The following SLC39A1 variants were observed in gnomAD, a reference collection of about 807,000 sequenced individuals.
SLC39A1 encodes zinc transporter ZIP1.
SLC39A1 carries 17 observed loss-of-function variants against 21.4 expected under a neutral mutation model. The observed-to-expected ratio is 0.79, with a 90% confidence interval of 0.54 to 1.19. The LOEUF is 1.19. Ranked by LOEUF, SLC39A1 falls within the 50% of genes most tolerant of loss-of-function variation. The pLI, the probability that SLC39A1 is intolerant of heterozygous loss-of-function variation, is 0.00. For missense variants in SLC39A1, 343 were observed against 399.8 expected (o/e 0.86, Z 1.21); for synonymous variants, 183 against 185.9 (o/e 0.98, Z 0.13).
chr1:153,966,442 A>T (rs978455664), upstream of SLC39A1: 2 of 152,262 alleles, frequency 1.3e-5, no homozygotes, highest in Admixed American at 6.5e-5. Context: ...TCAGATCGAG[A>T]CCACCCTGGC....
rs1431057618 is a variant in SLC39A1, at chr1:153,962,342, G to A, written c.196C>T (p.Gln66Ter). Residue 66 changes from glutamine to a stop codon, truncating the protein, a stop_gained, in exon 3 of 4, where the codon CAG becomes TAG. Coordinates refer to ENST00000356205, the MANE Select transcript of SLC39A1 (RefSeq NM_001271958.2). LOFTEE classifies it high-confidence loss of function. ...CAGCTTACTAGGCTCAGGGCTTTCT[G>A]GCGGGAAGCTGGGTAGGGGTGAAGC... ...GANHEGSASR[Q>*]KALSLVSCFA... 8.7e-6 allele frequency: 14 copies of A among 1,614,018 alleles called. No individual in the cohort carries two copies. Among genetic ancestry groups the A allele is most frequent in the Admixed American group, 1.7e-5 (1 of 59,998 alleles).
chr1:153,960,676 A>C lies in SLC39A1; in HGVS notation c.397T>G (p.Tyr133Asp). The C allele has an allele frequency of 6.2e-7, 1 of 1,614,128 alleles. No individual in the cohort carries two copies. The highest frequency in any genetic ancestry group is 2.2e-5 in the East Asian group (1 of 44,892). Reference sequence around the variant, plus strand: ...GGTGACGGCCCTGACTGCTCCTTGTAAGCCAGTGTGATCTGCTCCATCACC... The same window carrying C: ...GGTGACGGCCCTGACTGCTCCTTGTCAGCCAGTGTGATCTGCTCCATCACC... Reference protein sequence around the residue: ...VLVMEQITLAYKEQSGPSPLE... With the variant: ...VLVMEQITLADKEQSGPSPLE... Residue 133 changes from tyrosine to aspartate, a missense_variant, in exon 4 of 4, where the codon TAC (tyrosine) becomes GAC (aspartate). Transcript: ENST00000356205.
chr1:153,960,669 T>C lies in SLC39A1; in HGVS notation c.404A>G (p.Glu135Gly). ...CTCCAGAGGTGACGGCCCTGACTGC[T>C]CCTTGTAAGCCAGTGTGATCTGCTC... ...VMEQITLAYK[E>G]QSGPSPLEET... Residue 135 changes from glutamate to glycine, a missense_variant, in exon 4 of 4, where the codon GAG (glutamate) becomes GGG (glycine). Glu to Gly is a moderately conservative substitution (Grantham distance 98). Transcript: ENST00000356205. 6.2e-7 allele frequency: 1 copy of C among 1,614,164 alleles called. No individual in the cohort carries two copies. Among genetic ancestry groups the C allele is most frequent in the Non-Finnish European group, 8.5e-7 (1 of 1,180,046 alleles).
chr1:153,962,304 G>A lies in SLC39A1; in HGVS notation c.234C>T (p.Gly78=), dbSNP rs753893443. The change falls in exon 3 of 4, where the codon GGC becomes GGT. Residue 78 remains glycine (G), a synonymous_variant. Transcript: ENST00000356205. ...CCAGGAGACAAGTGGCCAAAAAGAC[G>A]CCCCCCGCGAAACAGCTTACTAGGC... ...ALSLVSCFAG[G]VFLATCLLDL... 3.1e-5 allele frequency: 50 copies of A among 1,613,968 alleles called. 1 individual carries two copies. Among genetic ancestry groups the A allele is most frequent in the Admixed American group, 2.0e-4 (12 of 59,994 alleles).
upstream of SLC39A1, chr1:153,964,915 G>A (rs1647695049): frequency 6.6e-6 from 1 of 152,134 alleles, no homozygotes; most frequent in South Asian, 2.1e-4. Flanking sequence ...GCTCCAGCCT[G>A]GGCAACAACA....
chr1:153,960,866 C>A (rs1057014150), intron 3 of SLC39A1, 112 bp from the exon 4 acceptor site: 31 of 952,002 alleles, frequency 3.3e-5, no homozygotes, highest in Non-Finnish European at 3.9e-5. Flanking sequence ...GGGCTACTCT[C>A]AGTCACACAA....
chr1:153,960,348 C>T lies in SLC39A1; in HGVS notation c.725G>A (p.Cys242Tyr), dbSNP rs1443281884. The part of the protein sequence containing the change: ...SHLRAQVVAG[C>Y]GILFSCMTPL... Reference sequence around the variant, plus strand: ...TGTCATGCATGAGAAGAGGATCCCACAGCCAGCCACCACCTGTGCCCTAAG... The same window carrying T: ...TGTCATGCATGAGAAGAGGATCCCATAGCCAGCCACCACCTGTGCCCTAAG... Residue 242 changes from cysteine to tyrosine, a missense_variant, in exon 4 of 4, where the codon TGT becomes TAT. By Grantham distance (194) the Cys-to-Tyr change is radical. Coordinates refer to ENST00000356205, the MANE Select transcript of SLC39A1 (RefSeq NM_001271958.2). 6.2e-7 allele frequency: 1 copy of T among 1,614,032 alleles called. No individual in the cohort carries two copies. Among genetic ancestry groups the T allele is most frequent in the Non-Finnish European group, 8.5e-7 (1 of 1,180,052 alleles).
At position 153,962,554 on chromosome 1, in the gene SLC39A1, C is replaced by G; in HGVS notation, c.162G>C (p.Arg54=). The change falls in exon 2 of 4, where the codon CGG becomes CGC. Residue 54 remains arginine (R), a synonymous_variant. Transcript: ENST00000356205. The part of the protein sequence containing the change: ...CSLVPICVLR[R]PGANHEGSAS... ...CTGAGCCTTCATGGTTAGCTCCTGG[C>G]CGGCGCAGCACACAGATGGGCACCA... 1 of 1,613,078 alleles carries G rather than the reference C, an allele frequency of 6.2e-7. No individual in the cohort carries two copies. The highest frequency in any genetic ancestry group is 8.5e-7 in the Non-Finnish European group (1 of 1,179,760).
In SLC39A1 at chr1:153,960,207, A is replaced by C. The variant is rs1647295283; in HGVS notation, c.866T>G (p.Leu289Arg). Residue 289 changes from leucine (L) to arginine (R), a missense_variant, in exon 4 of 4, where the codon CTG (leucine) becomes CGG (arginine). Coordinates refer to ENST00000356205, the MANE Select transcript of SLC39A1 (RefSeq NM_001271958.2). ...AAGTFLYITF[L>R]EILPQELASS... Reference sequence around the variant, plus strand: ...GGCCAGCTCCTGGGGCAGGATTTCCAGAAAGGTGATATAGAGAAAGGTGCC... The same window carrying C: ...GGCCAGCTCCTGGGGCAGGATTTCCCGAAAGGTGATATAGAGAAAGGTGCC... The C allele has an allele frequency of 6.2e-7, 1 of 1,614,252 alleles. No individual in the cohort carries two copies.
rs1327834987 is a variant in SLC39A1 at position 153,962,673 on chromosome 1, C to T, written c.43G>A (p.Glu15Lys). 4 of 1,609,816 alleles carry T rather than the reference C, an allele frequency of 2.5e-6. No homozygotes were observed. The highest frequency in any genetic ancestry group is 2.7e-5 in the African/African-American group (2 of 74,894). ...ACTGGAGGCTCTGAAGCTACCGCCT[C>T]GGGGCGCCACACCAGGAGCTCTGGC... ...GEPELLVWRP[E>K]AVASEPPVPV... Residue 15 changes from glutamate (E) to lysine (K), a missense_variant, in exon 2 of 4, where the codon GAG becomes AAG. Coordinates refer to ENST00000356205, the MANE Select transcript of SLC39A1 (RefSeq NM_001271958.2).
Position 153,960,748 on chromosome 1 carries a change from A to G in SLC39A1, c.325T>C (p.Phe109Leu). The G allele has an allele frequency of 6.2e-7, 1 of 1,605,516 alleles. No homozygotes were observed. Among genetic ancestry groups the G allele is most frequent in the Non-Finnish European group, 8.5e-7 (1 of 1,177,342 alleles). Residue 109 changes from phenylalanine (F) to leucine (L), a missense_variant, in exon 4 of 4, where the codon TTC becomes CTC. Phe to Leu is a conservative substitution (Grantham distance 22, BLOSUM62 0). Transcript: ENST00000356205. ...ALAALHVTLQ[F>L]PLQEFILAMG... Reference sequence around the variant, plus strand: ...GCCAGGATGAACTCTTGCAGTGGGAACTGGAGCTGTGGGCAGAAGCAGCAG... The same window carrying G: ...GCCAGGATGAACTCTTGCAGTGGGAGCTGGAGCTGTGGGCAGAAGCAGCAG...
chr1:153,963,808 C>T (rs1377402105), upstream of SLC39A1: 1 of 152,308 alleles, frequency 6.6e-6, no homozygotes, highest in Admixed American at 6.5e-5. Context: ...GCGGGCCAGT[C>T]AACAAAGGCT....
chr1:153,964,482 C>A (rs1420370452), upstream of SLC39A1: 2 of 151,398 alleles, frequency 1.3e-5, no homozygotes, highest in African/African-American at 4.9e-5. Flanking sequence ...TTCTTTTATG[C>A]AAAGGTGAAA....
intron 2 of SLC39A1, 32 bp from the exon 3 acceptor site, chr1:153,962,382 GCAAA>G: frequency 6.2e-7 from 1 of 1,609,164 alleles, no homozygotes; most frequent in Non-Finnish European, 8.5e-7. Flanking sequence ...AGGGGAATAA[GCAAA>G]CAAACCCCCT....
chr1:153,963,915 C>T (rs1647645838), upstream of SLC39A1, among the ~76,000 whole-genome samples: 1 of 152,266 alleles, frequency 6.6e-6, no homozygotes. Flanking sequence ...GCCAAAGTCT[C>T]ATCTGTCCCT....
chr1:153,963,879 A>G (rs777591571), upstream of SLC39A1, among the ~76,000 whole-genome samples: 1 of 152,232 alleles, frequency 6.6e-6, no homozygotes, highest in Non-Finnish European at 1.5e-5. Flanking sequence ...TCCGGCCCAC[A>G]TCTGAAAACA....
In SLC39A1 at chr1:153,959,671, C is replaced by T. The variant is rs1468251135; in HGVS notation, c.*427G>A. The T allele has an allele frequency of 8.5e-6, 2 of 234,576 alleles. No homozygotes were observed. Among genetic ancestry groups the T allele is most frequent in the South Asian group, 1.3e-4 (1 of 7,436 alleles). 14.5% of individuals were successfully genotyped at this position (234,576 alleles called of 1,614,324 possible). The stretch of plus-strand genomic sequence containing the variant: ...CGCTAAGAAGAGTAGGAGGGGTCCA[C>T]TCCAAGTGGCAGGGTGCTGAAATGG... On this transcript the variant is annotated 3_prime_UTR_variant, in exon 4 of 4. Transcript: ENST00000356205.
At chr1:153,964,231 A>G (rs555552401), upstream of SLC39A1, 1 of 152,334 alleles carries the variant, frequency 6.6e-6, no homozygotes, top group South Asian at 2.1e-4. Flanking sequence ...ATATCTGCGT[A>G]CCGCGCCTGC....
rs570195454 is a variant in SLC39A1, at chr1:153,962,313, G to T, written c.225C>A (p.Phe75Leu). ...AAGTGGCCAAAAAGACGCCCCCCGC[G>T]AAACAGCTTACTAGGCTCAGGGCTT... The part of the protein sequence containing the change: ...RQKALSLVSC[F>L]AGGVFLATCL... The change falls in exon 3 of 4, where the codon TTC (phenylalanine) becomes TTA (leucine). Residue 75 changes from phenylalanine (F) to leucine (L), a missense_variant. Phe to Leu is a conservative substitution (Grantham distance 22). Coordinates refer to ENST00000356205, the MANE Select transcript of SLC39A1 (RefSeq NM_001271958.2). 5 of 1,614,132 alleles carry T rather than the reference G, an allele frequency of 3.1e-6. No homozygotes were observed. The East Asian group carries it at 1.1e-4, about 36-fold the overall frequency.
Sources: allele counts gnomAD v4.1 joint callset (sites outside exome capture counted in the v4.1 genomes callset), GRCh38; gene constraint gnomAD v4.1.1; transcripts MANE v1.5; gene names NCBI Gene and HGNC (gene_info 2026-07-23, HGNC 2026-07-21).